The following ENTHD1 variants were observed in gnomAD, a reference collection of about 807,000 sequenced individuals.
ENTHD1 encodes ENTH domain-containing protein 1.
Under a neutral mutation model 39.1 loss-of-function variants are expected in ENTHD1, and 23 were observed. The observed-to-expected ratio is 0.59, with a 90% CI of 0.42 to 0.83. ENTHD1 has a LOEUF of 0.83. ENTHD1 is among the 40% of genes least tolerant of loss of function. The pLI is 0.00. For synonymous variants in ENTHD1, 230 were observed against 258.2 expected (o/e 0.89, Z 1.05); for missense variants, 624 against 705.4 (o/e 0.88, Z 1.31).
intron 5 of ENTHD1, among the ~76,000 whole-genome samples, chr22:39,772,259 C>T (rs765063598): frequency 2.6e-5 from 4 of 152,156 alleles, no homozygotes; most frequent in Admixed American, 6.5e-5. Flanking sequence ...TCTAATGCCG[C>T]TGCTGATCTG....
chr22:39,818,203 G>A (rs2065748957), intron 5 of ENTHD1, among the ~76,000 whole-genome samples: 1 of 152,196 alleles, frequency 6.6e-6, no homozygotes, highest in African/African-American at 2.4e-5. Context: ...CACATGAAGA[G>A]GCTCATATGG....
intron 3 of ENTHD1, among the ~76,000 whole-genome samples, chr22:39,847,054 A>T (rs1336960376): frequency 6.6e-6 from 1 of 152,098 alleles, no homozygotes; most frequent in Non-Finnish European, 1.5e-5. Context: ...GTATATACCC[A>T]AAGGACACAT....
intron 5 of ENTHD1, among the ~76,000 whole-genome samples, chr22:39,811,840 G>A (rs531466838): frequency 2.6e-5 from 4 of 152,092 alleles, no homozygotes; most frequent in East Asian, 3.9e-4. Context: ...TTAGCCGGGT[G>A]TGGTGGTGGG....
At chr22:39,838,481 A>G (rs1035029068) in intron 3 of ENTHD1, among the ~76,000 whole-genome samples, 4 of 152,162 alleles carry the variant, frequency 2.6e-5, no homozygotes, top group Non-Finnish European at 4.4e-5. Context: ...TGTCCCATCT[A>G]TGATTTAGGT....
rs559994177 is a variant in ENTHD1 at position 39,892,940 on chromosome 22, G to T, written c.-156+755C>A. On this transcript the variant is annotated intron_variant, in intron 1 of 6. Transcript: ENST00000325157. ...AATCTAATCTTTTCCAGCCCTAAGT[G>T]TGTGTTCATTAATTTATTCAACTAA... Among the ~76,000 whole-genome samples, 6 of 152,328 alleles carry T rather than the reference G, an allele frequency of 3.9e-5. No individual in the cohort carries two copies. In the South Asian group the frequency reaches 1.2e-3, roughly 32 times the overall value.
At chr22:39,876,149 C>G in intron 2 of ENTHD1, 4 of 1,539,258 alleles carry the variant, frequency 2.6e-6, no homozygotes. Flanking sequence ...TTCTTTCAGT[C>G]TTTATGTCAC....
intron 5 of ENTHD1, among the ~76,000 whole-genome samples, chr22:39,789,352 A>C (rs1302513318): frequency 6.6e-6 from 1 of 152,040 alleles, no homozygotes; most frequent in Non-Finnish European, 1.5e-5. Context: ...TTCTCAATTG[A>C]ATTTTTTTTC....
intron 3 of ENTHD1, among the ~76,000 whole-genome samples, chr22:39,852,019 C>T (rs1419392458): frequency 6.6e-6 from 1 of 152,122 alleles, no homozygotes; most frequent in East Asian, 1.9e-4. Context: ...ATCCATCTCT[C>T]TATATGCATG....
intron 4 of ENTHD1, among the ~76,000 whole-genome samples, chr22:39,827,160 C>T (rs867581499): frequency 1.1e-4 from 17 of 151,832 alleles, no homozygotes; most frequent in South Asian, 2.1e-4. Context: ...GGACTACAGG[C>T]GCCTGCCACC....
intron 6 of ENTHD1, among the ~76,000 whole-genome samples, chr22:39,757,254 A>G (rs556809185): frequency 6.6e-6 from 1 of 151,994 alleles, no homozygotes. Context: ...TTTAATTTCA[A>G]TTTCTAATTA....
At chr22:39,801,225 CT>C (rs1232487655) in intron 5 of ENTHD1, among the ~76,000 whole-genome samples, 1 of 152,180 alleles carries the variant, frequency 6.6e-6, no homozygotes, top group East Asian at 1.9e-4. Context: ...AGCAAAACAC[CT>C]TTTAAATCTG....
At chr22:39,872,852 T>TTTC (rs1271018886) in intron 2 of ENTHD1, among the ~76,000 whole-genome samples, 1 of 143,560 alleles carries the variant, frequency 7.0e-6, no homozygotes, top group Non-Finnish European at 1.5e-5. Flanking sequence ...TAAAATCACT[T>TTTC]TTTTTTTTTT....
At chr22:39,788,699 G>A (rs575732840) in intron 5 of ENTHD1, among the ~76,000 whole-genome samples, 2 of 152,160 alleles carry the variant, frequency 1.3e-5, no homozygotes, top group African/African-American at 4.8e-5. Context: ...GAAATCTTTT[G>A]TGAAAGGAAG....
At chr22:39,810,580 C>T (rs2065677600) in intron 5 of ENTHD1, among the ~76,000 whole-genome samples, 2 of 152,170 alleles carry the variant, frequency 1.3e-5, no homozygotes, top group Admixed American at 1.3e-4. Context: ...AAATTAATGC[C>T]ACCATCAAAG....
intron 2 of ENTHD1, 103 bp from the exon 3 acceptor site, chr22:39,862,110 GA>G (rs2066146883): frequency 1.2e-6 from 1 of 869,004 alleles, no homozygotes; most frequent in Non-Finnish European, 1.6e-6. Flanking sequence ...TCTCAGCAGT[GA>G]AAAAACCTGC....
intron 5 of ENTHD1, among the ~76,000 whole-genome samples, chr22:39,801,727 A>G (rs2065599995): frequency 6.6e-6 from 1 of 152,208 alleles, no homozygotes; most frequent in Admixed American, 6.5e-5. Context: ...AAACATGAGC[A>G]AAGACTACTA....
chr22:39,767,885 A>T (rs1467779231), intron 5 of ENTHD1, among the ~76,000 whole-genome samples: 1 of 152,228 alleles, frequency 6.6e-6, no homozygotes, highest in Non-Finnish European at 1.5e-5. Flanking sequence ...ACCAGACAGA[A>T]GTCATTCCAT....
intron 6 of ENTHD1, among the ~76,000 whole-genome samples, chr22:39,746,817 G>T (rs1290904657): frequency 6.6e-6 from 1 of 152,130 alleles, no homozygotes; most frequent in East Asian, 1.9e-4. Flanking sequence ...TTTGGTGACA[G>T]TGCCCACACT....
At position 39,867,389 on chromosome 22, in the gene ENTHD1, C is replaced by G. The variant is rs1257974765; in HGVS notation, c.350-5382G>C. Among the ~76,000 whole-genome samples the G allele has an allele frequency of 6.6e-6, 1 of 151,924 alleles. No homozygotes were observed. Among genetic ancestry groups the G allele is most frequent in the East Asian group, 1.9e-4 (1 of 5,188 alleles). On this transcript the variant is annotated intron_variant, in intron 2 of 6. Coordinates refer to ENST00000325157, the MANE Select transcript of ENTHD1 (RefSeq NM_152512.4). The surrounding 1 kb of genome is among the most constrained non-coding windows in gnomAD (Gnocchi z 4.5). ...TAATACTCCTGTCTCTATTCCTGAC[C>G]TACTGCCCTACCAAAATCTACTCTT...
Sources: gnomAD v4.1 joint callset for allele counts (sites outside exome capture counted in the v4.1 genomes callset) on GRCh38, gnomAD v4.1.1 for gene constraint, Gnocchi (gnomAD v3.1) non-coding constraint, MANE v1.5 for transcripts, NCBI Gene and HGNC (gene_info 2026-07-23, HGNC 2026-07-21) for gene names.